FAM20C: variants seen among roughly 807,000 people sequenced by gnomAD.
FAM20C encodes the protein FAM20C golgi associated secretory pathway kinase.
In FAM20C, 40 loss-of-function variants were observed where a neutral mutation model predicts 51.5. The observed-to-expected ratio is 0.78, with a 90% CI of 0.60 to 1.01. The LOEUF (loss-of-function observed/expected upper bound fraction) is 1.01, where lower values mean the gene tolerates loss of function less well. Among genes scored for constraint, FAM20C ranks in the 50% least tolerant of loss-of-function variants. FAM20C has a pLI of 0.00. For synonymous variants in FAM20C, 406 were observed against 380.6 expected, an observed-to-expected ratio of 1.07 and a Z score of -0.78; for missense variants, 861 against 844.7, an observed-to-expected ratio of 1.02 and a Z score of -0.24.
At chr7:232,674 G>A (rs916646023) in intron 3 of FAM20C, among the ~76,000 whole-genome samples, 1 of 152,214 alleles carries the variant, frequency 6.6e-6, no homozygotes, top group Non-Finnish European at 1.5e-5. Flanking sequence ...AGCAGCAACA[G>A]TGGGAACCGT....
At chr7:246,850 C>A (rs147959608) in intron 4 of FAM20C, among the ~76,000 whole-genome samples, 1 of 152,018 alleles carries the variant, frequency 6.6e-6, no homozygotes, top group African/African-American at 2.4e-5. Flanking sequence ...CTGTGAGCGG[C>A]GATTTGCCCA....
Position 193,486 on chromosome 7 carries a change from C to G in FAM20C, c.287C>G (p.Ser96Cys). The G allele has an allele frequency of 6.7e-7, 1 of 1,502,190 alleles. No homozygotes were observed. The highest frequency in any genetic ancestry group is 1.2e-5 in the South Asian group (1 of 80,082). 93.1% of individuals were successfully genotyped at this position (1,502,190 alleles called of 1,614,324 possible). A position where few individuals can be genotyped will look rare whatever the true frequency, so the allele number is the denominator to read the frequency against. ...CTCCGCATCCTGCAGGACTTCAGCTCCGACCCCTCCTCCAACCTCTCGTCC... is the reference window on the plus strand; with the variant it reads ...CTCCGCATCCTGCAGGACTTCAGCTGCGACCCCTCCTCCAACCTCTCGTCC... ...HTLRILQDFS[S>C]DPSSNLSSHS... The change falls in exon 1 of 10, where the codon TCC becomes TGC. Residue 96 changes from serine to cysteine, a missense_variant. Coordinates refer to ENST00000313766, the MANE Select transcript of FAM20C (RefSeq NM_020223.4).
intron 5 of FAM20C, among the ~76,000 whole-genome samples, chr7:248,862 T>C (rs183130684): frequency 4.1e-4 from 62 of 151,690 alleles, no homozygotes; most frequent in African/African-American, 1.1e-3. Context: ...CATTCATCTC[T>C]CCAGGTAGCC....
intron 3 of FAM20C, among the ~76,000 whole-genome samples, chr7:231,926 A>G (rs1273585268): frequency 6.6e-6 from 1 of 151,744 alleles, no homozygotes; most frequent in Non-Finnish European, 1.5e-5. Context: ...ACACCCAAGG[A>G]CTCCATCCTC....
chr7:218,519 C>G (rs543659927), intron 3 of FAM20C, among the ~76,000 whole-genome samples: 2 of 152,164 alleles, frequency 1.3e-5, no homozygotes, highest in Non-Finnish European at 2.9e-5. Flanking sequence ...ACGCCAAGCT[C>G]CAAGCCTGGT....
At chr7:195,818 G>C (rs1487345500) in intron 2 of FAM20C, 86 bp downstream of exon 2, 1 of 1,293,128 alleles carries the variant, frequency 7.7e-7, no homozygotes, top group Non-Finnish European at 1.0e-6. Flanking sequence ...TGTTAGAGAG[G>C]TCTGGGAGGC....
chr7:207,605 C>T (rs1325972792), intron 2 of FAM20C, among the ~76,000 whole-genome samples: 2 of 152,246 alleles, frequency 1.3e-5, no homozygotes, highest in Non-Finnish European at 2.9e-5. Context: ...CACCCCACCA[C>T]GTTCCATTTA....
chr7:213,331 A>G (rs1398400306), intron 3 of FAM20C, among the ~76,000 whole-genome samples: 2 of 150,558 alleles, frequency 1.3e-5, no homozygotes, highest in African/African-American at 4.9e-5. Flanking sequence ...CACGTTTCCA[A>G]GGCTCTGGAG....
At chr7:195,253 G>A (rs1013578636) in intron 1 of FAM20C, 21 of 320,046 alleles carry the variant, frequency 6.6e-5, no homozygotes, top group South Asian at 1.3e-4. Flanking sequence ...CAGACGTGGC[G>A]GGGATGGCAG....
intron 2 of FAM20C, among the ~76,000 whole-genome samples, chr7:199,877 T>C (rs900867829): frequency 6.6e-6 from 1 of 152,192 alleles, no homozygotes; most frequent in Non-Finnish European, 1.5e-5. Context: ...CACTGGCATG[T>C]GAGGATTCGG....
At chr7:232,242 A>T (rs191901113) in intron 3 of FAM20C, among the ~76,000 whole-genome samples, 6 of 152,304 alleles carry the variant, frequency 3.9e-5, no homozygotes, top group Admixed American at 3.9e-4. Flanking sequence ...ATCCACCTGG[A>T]GAGGGTGGGA....
In FAM20C at chr7:206,609, C is replaced by T. The variant is rs1244174366; in HGVS notation, c.785-2289C>T. The stretch of plus-strand genomic sequence containing the variant: ...CACACGTGCTCACTGTCCACTGTGA[C>T]GCGTCTGTCATGGTCCCCTCGGCCC... On this transcript the variant is annotated intron_variant, in intron 2 of 9. Coordinates refer to ENST00000313766, the MANE Select transcript of FAM20C (RefSeq NM_020223.4). 1.1e-3 allele frequency among the ~76,000 whole-genome samples: 145 copies of T among 127,076 alleles called. 2 individuals carry two copies. Among genetic ancestry groups the T allele is most frequent in the Non-Finnish European group, 1.5e-3 (88 of 59,252 alleles). The allele number at this position is 127,076 out of a possible 152,430, so 83.4% of individuals were successfully genotyped here.
chr7:202,821 G>T (rs541071600), intron 2 of FAM20C, among the ~76,000 whole-genome samples: 2 of 152,212 alleles, frequency 1.3e-5, no homozygotes, highest in South Asian at 4.1e-4. Flanking sequence ...AATGGGGCCC[G>T]TGGACATCTT....
intron 2 of FAM20C, among the ~76,000 whole-genome samples, chr7:202,145 G>T (rs1448631788): frequency 6.6e-6 from 1 of 152,216 alleles, no homozygotes; most frequent in African/African-American, 2.4e-5. Context: ...TTCCAGATGG[G>T]GAGAACCTAT....
At chr7:227,594 A>C (rs925981196) in intron 3 of FAM20C, 2 of 152,062 alleles carry the variant, frequency 1.3e-5, no homozygotes, top group Non-Finnish European at 2.9e-5. Context: ...CTTTGAAATG[A>C]AAGGAAGCAT....
At chr7:244,026 C>T (rs1788048755) in intron 3 of FAM20C, among the ~76,000 whole-genome samples, 1 of 151,594 alleles carries the variant, frequency 6.6e-6, no homozygotes, top group African/African-American at 2.4e-5. Flanking sequence ...CCTTGGCCTC[C>T]TGGGCTCAGG....
At chr7:227,242 G>A (rs1027418220) in intron 3 of FAM20C, among the ~76,000 whole-genome samples, 6 of 151,938 alleles carry the variant, frequency 3.9e-5, no homozygotes, top group East Asian at 3.9e-4. Context: ...TAATTGTCAC[G>A]AAAGGGAGGG....
chr7:254,639 C>T (rs577930277), intron 5 of FAM20C, among the ~76,000 whole-genome samples: 9 of 152,274 alleles, frequency 5.9e-5, no homozygotes, highest in Non-Finnish European at 7.3e-5. Context: ...CATTTAAAAG[C>T]GTACAGTTCC....
rs549713327 is a variant in FAM20C, at chr7:193,359, G to A, written c.160G>A (p.Glu54Lys). The change falls in exon 1 of 10, where the codon GAG (glutamate) becomes AAG (lysine). Residue 54 changes from glutamate to lysine, a missense_variant. Around this residue, in one of 3 missense-constraint regions of FAM20C, gnomAD observed 561 missense variants for 499.8 expected, o/e 1.12. Transcript: ENST00000313766. The part of the protein sequence containing the change: ...PGCSCAQPAA[E>K]VAAPGWAQVR... ...CTGTTCGTGCGCGCAGCCCGCCGCC[G>A]AGGTGGCCGCGCCCGGCTGGGCCCA... 11 of 1,267,724 alleles carry A rather than the reference G, an allele frequency of 8.7e-6. No individual in the cohort carries two copies. The African/African-American group carries it at 1.6e-4, about 18-fold the overall frequency. The allele number at this position is 1,267,724 out of a possible 1,614,324, so 78.5% of individuals were successfully genotyped here.
Sources: allele counts gnomAD v4.1 joint callset (sites outside exome capture counted in the v4.1 genomes callset), GRCh38; gene constraint gnomAD v4.1.1; regional missense constraint gnomAD v4.1.1; transcripts MANE v1.5; gene names NCBI Gene and HGNC (gene_info 2026-07-23, HGNC 2026-07-21).